CSNK1D: variants seen among roughly 807,000 people sequenced by gnomAD.
The protein encoded by CSNK1D is casein kinase 1 delta.
A neutral mutation model predicts 46.6 loss-of-function variants in CSNK1D; 16 were observed. The ratio of observed to expected loss-of-function variants is 0.34; its 90% CI spans 0.23 to 0.52. CSNK1D has a LOEUF of 0.52. CSNK1D is among the 20% of genes least tolerant of loss of function. The probability of loss-of-function intolerance (pLI) is 0.95; values close to 1 mark genes in which losing one functional copy is unlikely to be tolerated. For synonymous variants in CSNK1D, 276 were observed against 228.2 expected (o/e 1.21, Z -1.89); for missense variants, 398 against 578.4 (o/e 0.69, Z 3.20).
chr17:82,251,748 T>A lies in CSNK1D; in HGVS notation c.737-221A>T. 1.7e-6 allele frequency: 1 copy of A among 585,490 alleles called. No homozygotes were observed. The highest frequency in any genetic ancestry group is 1.8e-5 in the South Asian group (1 of 56,372). The allele number at this position is 585,490 out of a possible 1,614,324, so 36.3% of individuals were successfully genotyped here. On this transcript the variant is annotated intron_variant, in intron 5 of 8. Transcript: ENST00000314028. The surrounding 1 kb of genome is among the most constrained non-coding windows in gnomAD (Gnocchi z 4.5). Reference sequence around the variant, plus strand: ...GCTCACGCCTGTCACCCCAGCACTCTAGGAGGCTGAGGAGGGCGGATCACG... The same window carrying A: ...GCTCACGCCTGTCACCCCAGCACTCAAGGAGGCTGAGGAGGGCGGATCACG...
At chr17:82,241,634 C>A (rs1296837790), downstream of CSNK1D, among the ~76,000 whole-genome samples, 1 of 152,230 alleles carries the variant, frequency 6.6e-6, no homozygotes, top group Non-Finnish European at 1.5e-5. Context: ...GGGGCAGGGG[C>A]TGAGCCTCAC....
In CSNK1D at chr17:82,243,415, G is replaced by C; in HGVS notation, c.*1366C>G. On this transcript the variant is annotated 3_prime_UTR_variant, in exon 9 of 9. Transcript: ENST00000314028. ...CTGGCTACCGCCCAAGTGCTGCGGA[G>C]TGAGAGGCGAGAAGGCATCCTGGGA... 4 of 985,544 alleles carry C rather than the reference G, an allele frequency of 4.1e-6. No homozygotes were observed. The highest frequency in any genetic ancestry group is 9.4e-5 in the South Asian group (2 of 21,290). 61.0% of individuals were successfully genotyped at this position (985,544 alleles called of 1,614,324 possible).
Position 82,249,424 on chromosome 17 carries a change from C to T in CSNK1D, c.1057+7G>A, listed in dbSNP as rs1390518085. ...CAGCCCCAGAGCGCTGGGAGGGGGG[C>T]ACTCACCCGTGTGTGAGGTAGGGGT... On this transcript the variant is annotated splice_region_variant and intron_variant, in intron 7 of 8. Coordinates refer to ENST00000314028, the MANE Select transcript of CSNK1D (RefSeq NM_001893.6). The surrounding 1 kb of genome is among the most constrained non-coding windows in gnomAD (Gnocchi z 6.7). 1 of 1,533,898 alleles carries T rather than the reference C, an allele frequency of 6.5e-7. No individual in the cohort carries two copies. Among genetic ancestry groups the T allele is most frequent in the Non-Finnish European group, 8.7e-7 (1 of 1,144,426 alleles).
chr17:82,251,780 G>A lies in CSNK1D; in HGVS notation c.737-253C>T. The A allele has an allele frequency of 9.9e-6, 5 of 505,828 alleles. No homozygotes were observed. Among genetic ancestry groups the A allele is most frequent in the Non-Finnish European group, 1.4e-5 (4 of 276,298 alleles). 31.3% of individuals were successfully genotyped at this position (505,828 alleles called of 1,614,324 possible). A position where few individuals can be genotyped will look rare whatever the true frequency, so the allele number is the denominator to read the frequency against. The stretch of plus-strand genomic sequence containing the variant: ...CTGAGGAGGGCGGATCACGAGGTCA[G>A]GAGATCAAGACCATCCTGGCTAACA... On this transcript the variant is annotated intron_variant, in intron 5 of 8. Transcript: ENST00000314028. This position sits in a 1 kb window ranked among gnomAD's most constrained non-coding sequence, Gnocchi z 4.5.
chr17:82,251,117 G>A lies in CSNK1D; in HGVS notation c.885+262C>T, dbSNP rs1206487912. 5 of 482,700 alleles carry A rather than the reference G, an allele frequency of 1.0e-5. No individual in the cohort carries two copies. The East Asian group carries it at 1.6e-4, about 15-fold the overall frequency. 29.9% of individuals were successfully genotyped at this position (482,700 alleles called of 1,614,324 possible). On this transcript the variant is annotated intron_variant, in intron 6 of 8. Coordinates refer to ENST00000314028, the MANE Select transcript of CSNK1D (RefSeq NM_001893.6). This position sits in a 1 kb window ranked among gnomAD's most constrained non-coding sequence, Gnocchi z 4.5. ...GGGCCCTAGCTCCGCTTGGTGACAG[G>A]GAGGGAAGGGGCCTCCTGCTGTCCA...
Position 82,248,112 on chromosome 17 carries a change from AC to A in CSNK1D, c.1197+762del, listed in dbSNP as rs1200678717. ...CGGAAGACCCGTGGGGGATCTGGGC[AC>A]CCCCCAGGATGCCTGCTGGTGAAAC... is the stretch of plus-strand genomic sequence containing the variant. On this transcript the variant is annotated intron_variant, in intron 8 of 8. Coordinates refer to ENST00000314028, the MANE Select transcript of CSNK1D (RefSeq NM_001893.6). This position sits in a 1 kb window ranked among gnomAD's most constrained non-coding sequence, Gnocchi z 4.1. 2.0e-6 allele frequency: 2 copies of A among 985,322 alleles called. No individual in the cohort carries two copies. Among genetic ancestry groups the A allele is most frequent in the Non-Finnish European group, 2.4e-6 (2 of 829,936 alleles). The allele number at this position is 985,322 out of a possible 1,614,324, so 61.0% of individuals were successfully genotyped here.
intron 2 of CSNK1D, among the ~76,000 whole-genome samples, chr17:82,260,275 G>A (rs1451168493): frequency 6.2e-4 from 92 of 147,942 alleles, no homozygotes; most frequent in African/African-American, 2.2e-3. Context: ...GACTGATGGT[G>A]TACTGAGTGA....
chr17:82,243,468 G>C lies in CSNK1D; in HGVS notation c.*1313C>G, dbSNP rs970135323. ...CTCAGGGCACAGCAGCATGGAGCCT[G>C]GGGCAGCACCAGCTCACGGAGGCCA... is the stretch of plus-strand genomic sequence containing the variant. On this transcript the variant is annotated 3_prime_UTR_variant, in exon 9 of 9. Transcript: ENST00000314028. The C allele has an allele frequency of 8.1e-6, 8 of 985,516 alleles. No individual in the cohort carries two copies. The highest frequency in any genetic ancestry group is 9.6e-6 in the Non-Finnish European group (8 of 829,960). The allele number at this position is 985,516 out of a possible 1,614,324, so 61.0% of individuals were successfully genotyped here.
Position 82,252,392 on chromosome 17 carries a change from CCT to C in CSNK1D, c.736+40_736+41del, listed in dbSNP as rs750727899. The stretch of plus-strand genomic sequence containing the variant: ...CGGCACACCCGACACATATGCAACC[CCT>C]GTGAGCAGCTCCGCTGAGAAGAGGC... On this transcript the variant is annotated intron_variant, in intron 5 of 8. Coordinates refer to ENST00000314028, the MANE Select transcript of CSNK1D (RefSeq NM_001893.6). The surrounding 1 kb of genome is among the most constrained non-coding windows in gnomAD (Gnocchi z 4.6). 7.4e-5 allele frequency: 120 copies of C among 1,611,274 alleles called. No individual in the cohort carries two copies. Among genetic ancestry groups the C allele is most frequent in the South Asian group, 2.2e-4 (20 of 91,006 alleles).
intron 2 of CSNK1D, among the ~76,000 whole-genome samples, chr17:82,264,522 G>A (rs1477256796): frequency 6.6e-6 from 1 of 152,220 alleles, no homozygotes; most frequent in Non-Finnish European, 1.5e-5. Flanking sequence ...CCTGGGCTGA[G>A]GGCTCGCAGA....
At chr17:82,242,581 AAAG>A (rs2050756454), downstream of CSNK1D, 12 of 926,840 alleles carry the variant, frequency 1.3e-5, no homozygotes, top group Non-Finnish European at 1.5e-5. Flanking sequence ...CAGCCATCTC[AAAG>A]AAGTATTTTC....
chr17:82,246,092 A>G (rs1159112731), intron 8 of CSNK1D: 2 of 1,572,716 alleles, frequency 1.3e-6, no homozygotes, highest in Non-Finnish European at 1.7e-6. Context: ...CCCCCTGACT[A>G]CCTGTGTCGG....
Position 82,249,716 on chromosome 17 carries a change from G to A in CSNK1D, c.886-114C>T, listed in dbSNP as rs1389447531. 2.6e-6 allele frequency: 4 copies of A among 1,521,426 alleles called. No homozygotes were observed. The highest frequency in any genetic ancestry group is 3.5e-6 in the Non-Finnish European group (4 of 1,138,600). 94.2% of individuals were successfully genotyped at this position (1,521,426 alleles called of 1,614,324 possible). A position where few individuals can be genotyped will look rare whatever the true frequency, so the allele number is the denominator to read the frequency against. On this transcript the variant is annotated intron_variant, in intron 6 of 8. Transcript: ENST00000314028. The surrounding 1 kb of genome is among the most constrained non-coding windows in gnomAD (Gnocchi z 6.7). ...TACCTACCAAAGGGCACTGGGACGAGACTGCCTGCAAAGCCCCCCACAGGC... is the reference window on the plus strand; with the variant it reads ...TACCTACCAAAGGGCACTGGGACGAAACTGCCTGCAAAGCCCCCCACAGGC...
In CSNK1D at chr17:82,255,010, G is replaced by A. The variant is rs551359360; in HGVS notation, c.336+419C>T. 510 of 331,848 alleles carry A rather than the reference G, an allele frequency of 1.5e-3. 5 individuals are homozygous for A. The highest frequency in any genetic ancestry group is 0.011 in the South Asian group (475 of 44,186). 20.6% of individuals were successfully genotyped at this position (331,848 alleles called of 1,614,324 possible). Reference sequence around the variant, plus strand: ...CAGTCAGCTGAGCCGCCGGAGCCTCGAGAAGCCAGTGAGCTGAGCCGTCGG... The same window carrying A: ...CAGTCAGCTGAGCCGCCGGAGCCTCAAGAAGCCAGTGAGCTGAGCCGTCGG... On this transcript the variant is annotated intron_variant, in intron 3 of 8. Coordinates refer to ENST00000314028, the MANE Select transcript of CSNK1D (RefSeq NM_001893.6). The surrounding 1 kb of genome is among the most constrained non-coding windows in gnomAD (Gnocchi z 5.9).
chr17:82,247,338 T>C (rs1315210052), intron 8 of CSNK1D: 1 of 985,308 alleles, frequency 1.0e-6, no homozygotes, highest in East Asian at 1.1e-4. Flanking sequence ...CAAGGCCGTG[T>C]ACCGAGAAAA....
chr17:82,257,950 A>G (rs1408139325), intron 2 of CSNK1D, among the ~76,000 whole-genome samples: 1 of 152,208 alleles, frequency 6.6e-6, no homozygotes, highest in African/African-American at 2.4e-5. Context: ...GCTCAGGCCT[A>G]TAATTCCAGC....
rs1255305452 is a variant in CSNK1D, at chr17:82,252,468, G to A, written c.702C>T (p.Ser234=). 4.3e-6 allele frequency: 7 copies of A among 1,613,982 alleles called. No individual in the cohort carries two copies. The highest frequency in any genetic ancestry group is 1.7e-5 in the Admixed American group (1 of 60,006). ...KYERISEKKM[S]TPIEVLCKGY... ...CTTTACACAACACTTCGATGGGGGT[G>A]GACATTTTCTTCTCGCTAATCCTTT... Residue 234 remains serine (S), a synonymous_variant, in exon 5 of 9, where the codon TCC becomes TCT. Coordinates refer to ENST00000314028, the MANE Select transcript of CSNK1D (RefSeq NM_001893.6). The surrounding 1 kb of genome is among the most constrained non-coding windows in gnomAD (Gnocchi z 4.6).
In CSNK1D at chr17:82,255,196, A is replaced by G. The variant is rs1204968340; in HGVS notation, c.336+233T>C. 1 of 562,778 alleles carries G rather than the reference A, an allele frequency of 1.8e-6. No individual in the cohort carries two copies. 34.9% of individuals were successfully genotyped at this position (562,778 alleles called of 1,614,324 possible). On this transcript the variant is annotated intron_variant, in intron 3 of 8. Coordinates refer to ENST00000314028, the MANE Select transcript of CSNK1D (RefSeq NM_001893.6). The surrounding 1 kb of genome is among the most constrained non-coding windows in gnomAD (Gnocchi z 5.9). ...AGAAGCCAGTGAGCTGGGCCGCCGGAGCCTCGAGAAGCCAGTGAGCTGGGC... is the reference window on the plus strand; with the variant it reads ...AGAAGCCAGTGAGCTGGGCCGCCGGGGCCTCGAGAAGCCAGTGAGCTGGGC...
At chr17:82,246,704 TCCACACCCAG>T (rs1160219938) in intron 8 of CSNK1D, 7 of 992,472 alleles carry the variant, frequency 7.1e-6, no homozygotes, top group Non-Finnish European at 8.4e-6. Flanking sequence ...CTTCCACCCA[TCCACACCCAG>T]CCACGGCCAG....
Sources: gnomAD v4.1 joint callset for allele counts (sites outside exome capture counted in the v4.1 genomes callset) on GRCh38, gnomAD v4.1.1 for gene constraint, Gnocchi (gnomAD v3.1) non-coding constraint, MANE v1.5 for transcripts, NCBI Gene and HGNC (gene_info 2026-07-23, HGNC 2026-07-21) for gene names.